LRP1B: variants seen among roughly 807,000 people sequenced by gnomAD.
LRP1B encodes LDL receptor related protein 1B.
In LRP1B, 217 loss-of-function variants were observed where a neutral mutation model predicts 556.6. That is an observed-to-expected ratio of 0.39 (90% CI 0.35 to 0.44). LRP1B has a LOEUF of 0.44. Ranked by LOEUF, LRP1B falls within the 20% of genes least tolerant of loss-of-function variation. LRP1B has a pLI of 1.00. For missense variants in LRP1B, 5,053 were observed against 5,620.8 expected, an observed-to-expected ratio of 0.90 and a Z score of 3.23; for synonymous variants, 2,047 against 1,865.8, an observed-to-expected ratio of 1.10 and a Z score of -2.50.
intron 49 of LRP1B, among the ~76,000 whole-genome samples, chr2:140,521,192 C>T (rs1283314901): frequency 6.6e-6 from 1 of 151,936 alleles, no homozygotes; most frequent in Non-Finnish European, 1.5e-5. Context: ...TTCAAGATAG[C>T]CAGAGATCTC....
intron 6 of LRP1B, among the ~76,000 whole-genome samples, chr2:141,226,250 T>C (rs1223183222): frequency 1.3e-5 from 2 of 152,306 alleles, no homozygotes; most frequent in African/African-American, 4.8e-5. Flanking sequence ...AGGGCTTAGA[T>C]GTCCCACTTC....
chr2:141,759,952 G>A (rs1017177902), intron 2 of LRP1B, among the ~76,000 whole-genome samples: 2 of 152,080 alleles, frequency 1.3e-5, no homozygotes, highest in East Asian at 1.9e-4. Flanking sequence ...CCAACATGGC[G>A]TAACCTGTCT....
At chr2:141,524,644 G>T (rs1488900964) in intron 2 of LRP1B, among the ~76,000 whole-genome samples, 1 of 151,882 alleles carries the variant, frequency 6.6e-6, no homozygotes, top group Non-Finnish European at 1.5e-5. Flanking sequence ...CTCCAATGTG[G>T]CCCAGGGTAG....
intron 2 of LRP1B, among the ~76,000 whole-genome samples, chr2:141,771,592 C>T (rs904178434): frequency 2.0e-5 from 3 of 151,972 alleles, no homozygotes; most frequent in Admixed American, 6.6e-5. Flanking sequence ...ATTCTAGGAC[C>T]TTTTTTTAAG....
chr2:141,838,194 TCA>T (rs1697353875), intron 1 of LRP1B, among the ~76,000 whole-genome samples: 2 of 152,082 alleles, frequency 1.3e-5, no homozygotes, highest in African/African-American at 4.8e-5. Context: ...GTAAGCTATC[TCA>T]CAGTCTCATG....
At chr2:140,665,416 A>G (rs891477685) in intron 41 of LRP1B, among the ~76,000 whole-genome samples, 1 of 152,216 alleles carries the variant, frequency 6.6e-6, no homozygotes, top group Admixed American at 6.5e-5. Context: ...CATAGACTCT[A>G]TGAAAATAAG....
At chr2:141,329,575 C>A (rs1336483824) in intron 3 of LRP1B, among the ~76,000 whole-genome samples, 1 of 143,326 alleles carries the variant, frequency 7.0e-6, no homozygotes, top group Non-Finnish European at 1.5e-5. Context: ...ACCTGGGAGG[C>A]GGAGCTTGCA....
intron 1 of LRP1B, among the ~76,000 whole-genome samples, chr2:142,097,392 A>G (rs967334853): frequency 7.3e-6 from 1 of 137,800 alleles, no homozygotes; most frequent in Non-Finnish European, 1.6e-5. Context: ...AAAGCATTGC[A>G]TTTAATTTTA....
intron 1 of LRP1B, among the ~76,000 whole-genome samples, chr2:141,915,419 C>T (rs919690685): frequency 6.6e-6 from 1 of 151,888 alleles, no homozygotes. Context: ...ATATGGTGAA[C>T]CTTTCACCAT....
At chr2:141,429,067 G>GA (rs1465217951) in intron 3 of LRP1B, among the ~76,000 whole-genome samples, 1 of 152,116 alleles carries the variant, frequency 6.6e-6, no homozygotes, top group Non-Finnish European at 1.5e-5. Context: ...CCATACAGAA[G>GA]AAAAATTACT....
intron 2 of LRP1B, among the ~76,000 whole-genome samples, chr2:141,668,468 G>A (rs1264469357): frequency 6.6e-6 from 1 of 152,166 alleles, no homozygotes; most frequent in Non-Finnish European, 1.5e-5. Context: ...ATGAGCAGAA[G>A]AGAAGAGGAA....
At chr2:141,841,711 C>CA (rs1320115940) in intron 1 of LRP1B, among the ~76,000 whole-genome samples, 1 of 152,160 alleles carries the variant, frequency 6.6e-6, no homozygotes, top group Admixed American at 6.5e-5. Context: ...GAGTGATTAT[C>CA]AAACTGTTCA....
intron 1 of LRP1B, among the ~76,000 whole-genome samples, chr2:142,058,174 C>T (rs568654603): frequency 4.6e-5 from 7 of 152,248 alleles, no homozygotes; most frequent in Admixed American, 3.9e-4. Flanking sequence ...TTGGAACTAC[C>T]TTCTCCACCC....
At chr2:140,267,754 A>G (rs1488584163) in intron 86 of LRP1B, among the ~76,000 whole-genome samples, 1 of 152,010 alleles carries the variant, frequency 6.6e-6, no homozygotes, top group East Asian at 1.9e-4. Flanking sequence ...AAGGCATAGA[A>G]GACCAAGGTA....
intron 1 of LRP1B, among the ~76,000 whole-genome samples, chr2:141,979,261 G>C (rs1701978189): frequency 6.6e-6 from 1 of 152,052 alleles, no homozygotes; most frequent in South Asian, 2.1e-4. Context: ...AAAGCAAAGA[G>C]ATAGAAATGT....
At chr2:140,568,912 G>A (rs1681221975) in intron 43 of LRP1B, among the ~76,000 whole-genome samples, 1 of 152,028 alleles carries the variant, frequency 6.6e-6, no homozygotes. Context: ...TAATTAAGGA[G>A]AAATCAAATA....
At chr2:141,203,650 G>A (rs1282123955) in intron 6 of LRP1B, among the ~76,000 whole-genome samples, 2 of 152,036 alleles carry the variant, frequency 1.3e-5, no homozygotes, top group Non-Finnish European at 2.9e-5. Context: ...AATACATTCA[G>A]GACTTGAACT....
chr2:141,712,360 C>G (rs980775948), intron 2 of LRP1B, among the ~76,000 whole-genome samples: 14 of 150,532 alleles, frequency 9.3e-5, no homozygotes, highest in Non-Finnish European at 1.5e-4. Flanking sequence ...GCCTGGGTGA[C>G]AGAACTGAGA....
intron 2 of LRP1B, among the ~76,000 whole-genome samples, chr2:141,547,373 C>T (rs1245576551): frequency 6.6e-6 from 1 of 152,110 alleles, no homozygotes; most frequent in Admixed American, 6.6e-5. Flanking sequence ...TCCCAATTTG[C>T]GTTAATTCGT....
Sources: allele counts gnomAD v4.1 joint callset (sites outside exome capture counted in the v4.1 genomes callset), GRCh38; gene constraint gnomAD v4.1.1; transcripts MANE v1.5; gene names NCBI Gene and HGNC (gene_info 2026-07-23, HGNC 2026-07-21).